Variants in RASAL2 observed in about 807,000 individuals in gnomAD.
RASAL2 encodes ras GTPase-activating protein nGAP.
A neutral mutation model predicts 128.9 loss-of-function variants in RASAL2; 58 were observed. That is an observed-to-expected ratio of 0.45 (90% confidence interval 0.36 to 0.56). The LOEUF is 0.56. Among genes scored for constraint, RASAL2 ranks in the 20% least tolerant of loss-of-function variants. RASAL2 has a pLI of 0.00. For missense variants in RASAL2, 1,360 were observed against 1,601.6 expected (o/e 0.85, Z 2.57); for synonymous variants, 561 against 580.8 (o/e 0.97, Z 0.49).
At chr1:178,304,737 G>A (rs540736322) in intron 3 of RASAL2, among the ~76,000 whole-genome samples, 78 of 152,260 alleles carry the variant, frequency 5.1e-4, no homozygotes, top group African/African-American at 1.8e-3. Flanking sequence ...TCTTAGATCT[G>A]GAACACAACA....
At chr1:178,097,975 A>G (rs529553058) in intron 1 of RASAL2, among the ~76,000 whole-genome samples, 18 of 152,352 alleles carry the variant, frequency 1.2e-4, no homozygotes, top group African/African-American at 4.1e-4. Context: ...CTATATTTAG[A>G]ACACAAACTA....
At position 178,112,361 on chromosome 1, in the gene RASAL2, C is replaced by G. The variant is rs370227664; in HGVS notation, c.202+17667C>G. Among the ~76,000 whole-genome samples the G allele has an allele frequency of 5.9e-5, 9 of 152,036 alleles. No individual in the cohort carries two copies. In the East Asian group the frequency reaches 1.6e-3, roughly 26 times the overall value. ...GGTCAGGAGTTCGAGACCAGCCTGA[C>G]TAATATGGTGAAACCCCGTCTCTAC... is the stretch of plus-strand genomic sequence containing the variant. On this transcript the variant is annotated intron_variant, in intron 1 of 17. Coordinates refer to ENST00000367649, the MANE Select transcript of RASAL2 (RefSeq NM_170692.4).
intron 5 of RASAL2, among the ~76,000 whole-genome samples, chr1:178,434,198 T>C (rs1387711346): frequency 2.6e-5 from 4 of 152,088 alleles, no homozygotes; most frequent in Non-Finnish European, 5.9e-5. Flanking sequence ...ACCTTTGCAA[T>C]TTAAGGACAA....
intron 3 of RASAL2, among the ~76,000 whole-genome samples, chr1:178,366,579 T>TCTC (rs1671410242): frequency 3.2e-5 from 1 of 31,114 alleles, no homozygotes; most frequent in Non-Finnish European, 5.4e-5. Flanking sequence ...ACTTGGTACC[T>TCTC]CCCACCCCCC....
chr1:178,379,634 A>G (rs2102555457), intron 3 of RASAL2, among the ~76,000 whole-genome samples: 1 of 152,328 alleles, frequency 6.6e-6, no homozygotes, highest in Admixed American at 6.5e-5. Context: ...TTAAAAGCAA[A>G]AAGTACCTCA....
intron 9 of RASAL2, among the ~76,000 whole-genome samples, chr1:178,448,132 C>T (rs1677139821): frequency 6.6e-6 from 1 of 151,920 alleles, no homozygotes; most frequent in African/African-American, 2.4e-5. Context: ...TCTTAGAGTG[C>T]ACCTGGGTTT....
chr1:178,218,224 T>C (rs1022446881), intron 1 of RASAL2, among the ~76,000 whole-genome samples: 2 of 152,232 alleles, frequency 1.3e-5, no homozygotes, highest in African/African-American at 2.4e-5. Context: ...CAGATACCTG[T>C]TAATGTTGAT....
intron 3 of RASAL2, among the ~76,000 whole-genome samples, chr1:178,301,933 G>A (rs1339899237): frequency 6.6e-6 from 1 of 152,132 alleles, no homozygotes; most frequent in Non-Finnish European, 1.5e-5. Context: ...TGACAAAAGT[G>A]TCTGGTCTAG....
At chr1:178,311,157 A>G (rs1455956148) in intron 3 of RASAL2, among the ~76,000 whole-genome samples, 1 of 151,958 alleles carries the variant, frequency 6.6e-6, no homozygotes, top group Non-Finnish European at 1.5e-5. Context: ...CCTCCCAGAA[A>G]CTCCACCAAA....
chr1:178,131,210 T>A (rs2102303415), intron 1 of RASAL2, among the ~76,000 whole-genome samples: 1 of 151,858 alleles, frequency 6.6e-6, no homozygotes, highest in South Asian at 2.1e-4. Context: ...ATGGAAATAT[T>A]TATTTATTTA....
At position 178,245,599 on chromosome 1, in the gene RASAL2, T is replaced by C. The variant is rs561140401; in HGVS notation, c.203-37965T>C. ...TTAATTAGATCCCATTTGTCAGTTT[T>C]GGCTTTTGTTGCAGTTGCTTTTGGT... is the stretch of plus-strand genomic sequence containing the variant. On this transcript the variant is annotated intron_variant, in intron 1 of 17. Coordinates refer to ENST00000367649, the MANE Select transcript of RASAL2 (RefSeq NM_170692.4). Among the ~76,000 whole-genome samples the C allele has an allele frequency of 2.0e-5, 3 of 152,072 alleles. No individual in the cohort carries two copies. The Middle Eastern group carries it at 0.01, about 517-fold the overall frequency.
intron 1 of RASAL2, among the ~76,000 whole-genome samples, chr1:178,134,608 C>T (rs1187257374): frequency 6.6e-6 from 1 of 152,144 alleles, no homozygotes; most frequent in Non-Finnish European, 1.5e-5. Context: ...ACGCCATAGA[C>T]ATTTCAGCTG....
At position 178,094,146 on chromosome 1, in the gene RASAL2, A is replaced by C. The variant is rs1158267637; in HGVS notation, c.-347A>C. The C allele has an allele frequency of 3.3e-6, 1 of 302,962 alleles. No homozygotes were observed. The highest frequency in any genetic ancestry group is 6.1e-6 in the Non-Finnish European group (1 of 164,596). 18.8% of individuals were successfully genotyped at this position (302,962 alleles called of 1,614,324 possible). ...CGAGAGACGCCGGCGGGGCTGAAGA[A>C]GGCGGCTCCGAGGAGGTGGGAGGGC... is the stretch of plus-strand genomic sequence containing the variant. On this transcript the variant is annotated 5_prime_UTR_variant, in exon 1 of 18. Transcript: ENST00000367649.
At chr1:178,182,505 C>T (rs1230450527) in intron 1 of RASAL2, among the ~76,000 whole-genome samples, 1 of 152,084 alleles carries the variant, frequency 6.6e-6, no homozygotes, top group African/African-American at 2.4e-5. Flanking sequence ...TATACTGATT[C>T]GTGTATATAC....
chr1:178,375,720 G>C (rs1367370350), intron 3 of RASAL2, among the ~76,000 whole-genome samples: 1 of 152,116 alleles, frequency 6.6e-6, no homozygotes, highest in Non-Finnish European at 1.5e-5. Context: ...TGACATATTA[G>C]AGGAATGGGG....
intron 1 of RASAL2, among the ~76,000 whole-genome samples, chr1:178,095,771 A>G (rs1461330621): frequency 1.3e-5 from 2 of 152,172 alleles, no homozygotes; most frequent in African/African-American, 2.4e-5. Flanking sequence ...AGATCATAGA[A>G]CTAGGAGTCC....
chr1:178,105,015 C>T (rs955947041), intron 1 of RASAL2, among the ~76,000 whole-genome samples: 2 of 152,168 alleles, frequency 1.3e-5, no homozygotes, highest in Non-Finnish European at 2.9e-5. Context: ...AGTTGACATT[C>T]ATGAAAGTTA....
At chr1:178,275,823 G>A (rs1408675863) in intron 1 of RASAL2, among the ~76,000 whole-genome samples, 7 of 152,192 alleles carry the variant, frequency 4.6e-5, no homozygotes, top group Non-Finnish European at 1.5e-5. Context: ...TAACAAGGGT[G>A]ATAATGAGCA....
chr1:178,111,917 C>T (rs1252883380), intron 1 of RASAL2, among the ~76,000 whole-genome samples: 2 of 152,044 alleles, frequency 1.3e-5, no homozygotes, highest in Non-Finnish European at 2.9e-5. Context: ...TTTGTAGAGA[C>T]AGAGTTTCAC....
Sources: allele counts gnomAD v4.1 joint callset (sites outside exome capture counted in the v4.1 genomes callset), GRCh38; gene constraint gnomAD v4.1.1; transcripts MANE v1.5; gene names NCBI Gene and HGNC (gene_info 2026-07-23, HGNC 2026-07-21).